The following RBPJ variants were observed in gnomAD, a reference collection of about 807,000 sequenced individuals.
RBPJ encodes the protein recombination signal binding protein for immunoglobulin kappa J region.
In RBPJ, 9 loss-of-function variants were observed where a neutral mutation model predicts 67.8. That is an observed-to-expected ratio of 0.13 (90% CI 0.08 to 0.23). The LOEUF is 0.23. RBPJ is among the 10% of genes least tolerant of loss of function. RBPJ has a pLI of 1.00. For synonymous variants in RBPJ, 198 were observed against 203.3 expected, an observed-to-expected ratio of 0.97 and a Z score of 0.22; for missense variants, 305 against 595.6, an observed-to-expected ratio of 0.51 and a Z score of 5.08.
intron 1 of RBPJ, among the ~76,000 whole-genome samples, chr4:26,337,518 T>G (rs1323959602): frequency 6.6e-6 from 1 of 151,518 alleles, no homozygotes; most frequent in East Asian, 1.9e-4. Context: ...GCTTTGAGGT[T>G]GTTTCCAACT....
upstream of RBPJ, chr4:26,320,719 A>C: frequency 5.2e-6 from 8 of 1,546,874 alleles, no homozygotes; most frequent in Non-Finnish European, 7.0e-6. Flanking sequence ...ACGTCCCTCA[A>C]AGCGCGTCCT....
At chr4:26,108,238 C>T in the RBPJ span, among the ~76,000 whole-genome samples, 2 of 152,162 alleles carry the variant, frequency 1.3e-5, no homozygotes, top group African/African-American at 4.8e-5. Context: ...GCATCCAGGG[C>T]TCAGACGGAA....
At chr4:26,411,045 T>TA (rs766715377) in intron 3 of RBPJ, among the ~76,000 whole-genome samples, 7 of 152,188 alleles carry the variant, frequency 4.6e-5, no homozygotes, top group Non-Finnish European at 1.0e-4. Flanking sequence ...GAGTGTTTGA[T>TA]ACATATTGAC....
At chr4:26,400,346 A>G (rs1732642828) in intron 2 of RBPJ, among the ~76,000 whole-genome samples, 1 of 152,238 alleles carries the variant, frequency 6.6e-6, no homozygotes, top group African/African-American at 2.4e-5. Context: ...AGGGTAAAAG[A>G]TAGTGATGCT....
At chr4:26,220,897 A>G (rs1208973314) in intron 1 of RBPJ, among the ~76,000 whole-genome samples, 1 of 152,206 alleles carries the variant, frequency 6.6e-6, no homozygotes, top group African/African-American at 2.4e-5. Context: ...CTATGAGGAA[A>G]TTCATCTGGG....
At chr4:26,395,133 A>G (rs1052243434) in intron 2 of RBPJ, among the ~76,000 whole-genome samples, 12 of 152,134 alleles carry the variant, frequency 7.9e-5, no homozygotes, top group Non-Finnish European at 1.5e-4. Context: ...CCTCAGAGTA[A>G]GTAATAATAC....
At chr4:26,208,466 A>C (rs1251083773) in intron 1 of RBPJ, among the ~76,000 whole-genome samples, 1 of 152,236 alleles carries the variant, frequency 6.6e-6, no homozygotes, top group East Asian at 1.9e-4. Context: ...ACACAGTCAG[A>C]GATGTCACCA....
chr4:26,140,834 C>CAAATAAATAAATAAATAAAT, the RBPJ span, among the ~76,000 whole-genome samples: 3,079 of 138,448 alleles, frequency 0.022, 75 homozygotes, highest in African/African-American at 0.049. Context: ...GACCCTTCCA[C>CAAATAAATAAATAAATAAAT]AAATAAATAA....
intron 1 of RBPJ, among the ~76,000 whole-genome samples, chr4:26,291,817 C>A (rs891019888): frequency 6.6e-6 from 1 of 150,728 alleles, no homozygotes; most frequent in Non-Finnish European, 1.5e-5. Context: ...CTCCGTTGAT[C>A]CACCTGCCTC....
upstream of RBPJ, chr4:26,320,803 CTCCATCGCCTGGGTAGGTT>C (rs1560262546): frequency 6.4e-7 from 1 of 1,556,916 alleles, no homozygotes; most frequent in Non-Finnish European, 8.7e-7. Context: ...CCTGCGCATG[CTCCATCGCCTGGGTAGGTT>C]TCCAGGGAAG....
chr4:26,425,435 G>A (rs904090634), intron 7 of RBPJ, among the ~76,000 whole-genome samples: 3 of 151,748 alleles, frequency 2.0e-5, no homozygotes, highest in Non-Finnish European at 2.9e-5. Flanking sequence ...TGGTCAGACC[G>A]TCTTTACCAC....
At chr4:26,285,207 C>T (rs552837214) in intron 1 of RBPJ, among the ~76,000 whole-genome samples, 1 of 152,188 alleles carries the variant, frequency 6.6e-6, no homozygotes, top group South Asian at 2.1e-4. Flanking sequence ...TCCGGAAAGG[C>T]ATTTCTGTAT....
intron 2 of RBPJ, among the ~76,000 whole-genome samples, chr4:26,400,661 G>C (rs1048142206): frequency 6.6e-6 from 1 of 152,204 alleles, no homozygotes; most frequent in Non-Finnish European, 1.5e-5. Flanking sequence ...TTTTACTGTT[G>C]AAAGAAGCTA....
chr4:26,271,364 T>G (rs1174229741), intron 1 of RBPJ, among the ~76,000 whole-genome samples: 2 of 152,140 alleles, frequency 1.3e-5, no homozygotes, highest in Non-Finnish European at 2.9e-5. Flanking sequence ...CTGGTGGATC[T>G]AGAGTCTTAT....
chr4:26,377,379 C>T (rs1729860689), intron 1 of RBPJ, among the ~76,000 whole-genome samples: 1 of 152,170 alleles, frequency 6.6e-6, no homozygotes, highest in African/African-American at 2.4e-5. Context: ...TGTGTGTGCT[C>T]TCATCAAGTG....
At chr4:26,386,523 C>A in intron 2 of RBPJ, 132 bp downstream of exon 2, 1 of 586,564 alleles carries the variant, frequency 1.7e-6, no homozygotes, top group South Asian at 3.0e-5. Flanking sequence ...AACTTATTCT[C>A]AAACTTCCTT....
chr4:26,255,056 G>T (rs1332382947), intron 1 of RBPJ, among the ~76,000 whole-genome samples: 1 of 142,820 alleles, frequency 7.0e-6, no homozygotes, highest in African/African-American at 2.7e-5. Flanking sequence ...TGTTATAAAT[G>T]CTATACATGC....
intron 1 of RBPJ, among the ~76,000 whole-genome samples, chr4:26,217,023 A>T (rs1228441638): frequency 6.6e-6 from 1 of 152,154 alleles, no homozygotes; most frequent in Non-Finnish European, 1.5e-5. Context: ...AACTGAGGGT[A>T]GACAAGTCAG....
At chr4:26,132,602 C>T in the RBPJ span, among the ~76,000 whole-genome samples, 1 of 152,188 alleles carries the variant, frequency 6.6e-6, no homozygotes, top group African/African-American at 2.4e-5. Context: ...TCTCTCTCTG[C>T]CCCAGGACTC....
Sources: gnomAD v4.1 joint callset for allele counts (sites outside exome capture counted in the v4.1 genomes callset) on GRCh38, gnomAD v4.1.1 for gene constraint, MANE v1.5 for transcripts, NCBI Gene and HGNC (gene_info 2026-07-23, HGNC 2026-07-21) for gene names.